The following ARHGAP4 variants were observed in gnomAD, a reference collection of about 807,000 sequenced individuals.
ARHGAP4 encodes the protein rho GTPase-activating protein 4.
ARHGAP4 carries 25 observed loss-of-function variants against 67.6 expected under a neutral mutation model. The ratio of observed to expected loss-of-function variants is 0.37; its 90% CI spans 0.27 to 0.52. The LOEUF (loss-of-function observed/expected upper bound fraction) is 0.52. ARHGAP4 is among the 20% of genes least tolerant of loss of function. The pLI is 0.92. For synonymous variants in ARHGAP4, 448 were observed against 373.7 expected (o/e 1.20, Z -2.29); for missense variants, 804 against 854.6 (o/e 0.94, Z 0.74).
At position 153,919,213 on chromosome X, in the gene ARHGAP4, G is replaced by A. The variant is rs1557104722; in HGVS notation, c.752C>T (p.Ala251Val). 8.2e-7 allele frequency: 1 copy of A among 1,212,264 alleles called. No homozygotes were observed. Among genetic ancestry groups the A allele is most frequent in the Admixed American group, 2.2e-5 (1 of 46,117 alleles). ...KARNEYLLSL[A>V]SVNAAVSNYY... The stretch of plus-strand genomic sequence containing the variant: ...GTTACTGACAGCAGCGTTGACACTA[G>A]CCAGGCTAAGCAGGTACTCGTTGCG... The change falls in exon 6 of 22, where the codon GCT becomes GTT. Residue 251 changes from alanine (A) to valine (V), a missense_variant. Ala to Val is a moderately conservative substitution (Grantham distance 64). Transcript: ENST00000350060.
chrX:153,918,726 C>A, intron 7 of ARHGAP4, 106 bp downstream of exon 7: 2 of 875,561 alleles, frequency 2.3e-6, no homozygotes, highest in South Asian at 2.3e-5. Flanking sequence ...TGCCTGAGAC[C>A]ATGGAGAACT....
In ARHGAP4 at chrX:153,918,817, G is replaced by T; in HGVS notation, c.1032+15C>A. ...AGGCCAGAGAATGCCAAGCCCAGCA[G>T]GGGGTGACCCTCACCTCATCCCCAT... On this transcript the variant is annotated intron_variant, in intron 7 of 21. Transcript: ENST00000350060. 8.3e-7 allele frequency: 1 copy of T among 1,206,723 alleles called. No individual in the cohort carries two copies. The highest frequency in any genetic ancestry group is 1.1e-6 in the Non-Finnish European group (1 of 890,944).
In ARHGAP4 at chrX:153,910,968, C is replaced by A. The variant is rs1557103143; in HGVS notation, c.1635G>T (p.Ser545=). ...GLQHEGIFRV[S]GAQLRVSEIR... ...TCTCTGAGACCCGGAGCTGGGCACC[C>A]GATACCCGGAAGATGCCTTCATGCT... The change falls in exon 14 of 22, where the codon TCG becomes TCT. Residue 545 remains serine, a synonymous_variant. Coordinates refer to ENST00000350060, the MANE Select transcript of ARHGAP4 (RefSeq NM_001666.5). 6.8e-6 allele frequency: 8 copies of A among 1,168,935 alleles called. No individual in the cohort carries two copies. The South Asian group carries it at 1.1e-4, about 17-fold the overall frequency.
In ARHGAP4 at chrX:153,910,082, G is replaced by A. The variant is rs1441203366; in HGVS notation, c.2160C>T (p.Asp720=). ...CCGCCCCCAGGCTCTCCAGCTGGGC[G>A]TCCCTGAGGTTCAGGGCAGAGCGAG... ...MAPPSASCLG[D]AQLESLGADN... Residue 720 remains aspartate, a synonymous_variant, in exon 18 of 22, where the codon GAC becomes GAT. Coordinates refer to ENST00000350060, the MANE Select transcript of ARHGAP4 (RefSeq NM_001666.5). 5.8e-5 allele frequency: 70 copies of A among 1,210,005 alleles called. No homozygotes were observed. Among genetic ancestry groups the A allele is most frequent in the Non-Finnish European group, 7.6e-5 (68 of 895,143 alleles).
chrX:153,915,015 C>T (rs1011894455), intron 7 of ARHGAP4, among the ~76,000 whole-genome samples: 2 of 112,480 alleles, frequency 1.8e-5, no homozygotes, highest in African/African-American at 3.2e-5. Flanking sequence ...CAAGCCCCGC[C>T]GTACAGGACT....
chrX:153,908,059 C>G, intron 21 of ARHGAP4, 97 bp from the exon 22 acceptor site: 1 of 749,052 alleles, frequency 1.3e-6, no homozygotes, highest in South Asian at 4.0e-5. Context: ...AAAGCAAGCC[C>G]TCAGCCAACA....
At chrX:153,908,457 C>T (rs1488885883) in intron 21 of ARHGAP4, among the ~76,000 whole-genome samples, 2 of 112,165 alleles carry the variant, frequency 1.8e-5, no homozygotes, top group Middle Eastern at 4.3e-3. Flanking sequence ...GCAACTGTCC[C>T]GCGGGCTTCC....
rs781856266 is a variant in ARHGAP4, at chrX:153,907,930, C to G, written c.2640G>C (p.Lys880Asn). The G allele has an allele frequency of 2.1e-5, 23 of 1,093,463 alleles. No homozygotes were observed. Among genetic ancestry groups the G allele is most frequent in the Non-Finnish European group, 2.6e-5 (22 of 836,746 alleles). The allele number at this position is 1,093,463 out of a possible 1,213,427, so 90.1% of individuals were successfully genotyped here. A position where few individuals can be genotyped will look rare whatever the true frequency, so the allele number is the denominator to read the frequency against. The change falls in exon 22 of 22, where the codon AAG (lysine) becomes AAC (asparagine). Residue 880 changes from lysine to asparagine, a missense_variant. This residue lies in a region of ARHGAP4 where 400 missense variants were observed against 348.7 expected (regional missense o/e 1.15). Coordinates refer to ENST00000350060, the MANE Select transcript of ARHGAP4 (RefSeq NM_001666.5). ...GGACAGAGGTCTTTCCCAAGAGCTC[C>G]TTAAACACAGAGTCCATGTTCTGTG... ...AVAQNMDSVFKELLGKTSVRQ... is the reference protein window; with the variant it reads ...AVAQNMDSVFNELLGKTSVRQ...
At chrX:153,912,925 G>A in intron 11 of ARHGAP4, 99 bp downstream of exon 11, 2 of 1,121,237 alleles carry the variant, frequency 1.8e-6, no homozygotes, top group Non-Finnish European at 2.4e-6. Flanking sequence ...TGCGAAAACT[G>A]GGGAAGTGAG....
intron 21 of ARHGAP4, among the ~76,000 whole-genome samples, 174 bp from the exon 22 acceptor site, chrX:153,908,136 T>C (rs1171860177): frequency 8.9e-6 from 1 of 112,090 alleles, no homozygotes; most frequent in Non-Finnish European, 1.9e-5. Flanking sequence ...CTGTCCCTGT[T>C]GGTGTCTCTG....
At chrX:153,920,869 C>G (rs781791768) in intron 4 of ARHGAP4, 61 bp from the exon 5 acceptor site, 1 of 1,170,509 alleles carries the variant, frequency 8.5e-7, no homozygotes, top group Non-Finnish European at 1.2e-6. Context: ...CAGCCCCCAG[C>G]CCTCTACCCC....
Position 153,909,085 on chromosome X carries a change from G to A in ARHGAP4, c.2592C>T (p.His864=), listed in dbSNP as rs781978537. The change falls in exon 21 of 22, where the codon CAC becomes CAT. Residue 864 remains histidine, a synonymous_variant. Coordinates refer to ENST00000350060, the MANE Select transcript of ARHGAP4 (RefSeq NM_001666.5). ...RCLVPASPEQ[H]VEVDKAVAQN... ...CCACTCTCACCTTATCCACCTCCAC[G>A]TGTTGCTCTGGGGAGGCTGGGACCA... 6.8e-5 allele frequency: 82 copies of A among 1,209,950 alleles called. No homozygotes were observed. The highest frequency in any genetic ancestry group is 3.8e-4 in the East Asian group (13 of 33,785).
At chrX:153,925,856 A>T (rs937102077) in intron 1 of ARHGAP4, among the ~76,000 whole-genome samples, 1 of 113,184 alleles carries the variant, frequency 8.8e-6, no homozygotes. Flanking sequence ...ACCAGCGGCC[A>T]CCAGTGTCTC....
At chrX:153,914,594 G>A (rs1346455550) in intron 7 of ARHGAP4, among the ~76,000 whole-genome samples, 1 of 112,406 alleles carries the variant, frequency 8.9e-6, no homozygotes, top group Non-Finnish European at 1.9e-5. Context: ...CTACTTGGGA[G>A]GCTGAGGCAG....
chrX:153,920,342 G>GC lies in ARHGAP4; in HGVS notation c.681+283dup, dbSNP rs202214991. ...CATCACCCACCCTAAGTGTCTTCTT[G>GC]CCCCCCTCTGAAACCTTACGGAATG... On this transcript the variant is annotated intron_variant, in intron 5 of 21. Transcript: ENST00000350060. The GC allele has an allele frequency of 1.7e-5, 6 of 355,496 alleles. No homozygotes were observed. In the South Asian group the frequency reaches 2.3e-4, roughly 14 times the overall value. 29.3% of individuals were successfully genotyped at this position (355,496 alleles called of 1,213,427 possible).
At chrX:153,915,786 C>G (rs782443116) in intron 7 of ARHGAP4, among the ~76,000 whole-genome samples, 6 of 111,606 alleles carry the variant, frequency 5.4e-5, no homozygotes, top group African/African-American at 2.0e-4. Flanking sequence ...GACCCTCTCT[C>G]TAGAGAAAAA....
chrX:153,911,252 C>CA, intron 12 of ARHGAP4, 63 bp from the exon 13 acceptor site: 1 of 423,880 alleles, frequency 2.4e-6, no homozygotes, highest in Non-Finnish European at 3.5e-6. Context: ...CATTCAATTG[C>CA]TTTTTTTTTT....
At chrX:153,910,889 G>GCCCCCCCCCCCCCCCCC in intron 14 of ARHGAP4, 33 bp downstream of exon 14, 4 of 1,147,404 alleles carry the variant, frequency 3.5e-6, no homozygotes, top group Non-Finnish European at 4.6e-6. Flanking sequence ...ATCTGCCCGA[G>GCCCCCCCCCCCCCCCCC]CCCCCACCCC....
intron 1 of ARHGAP4, among the ~76,000 whole-genome samples, chrX:153,925,735 C>T (rs782407470): frequency 8.9e-6 from 1 of 111,972 alleles, no homozygotes; most frequent in South Asian, 3.7e-4. Flanking sequence ...CTCCACCAAT[C>T]CACTCACCCG....
Sources: allele counts gnomAD v4.1 joint callset (sites outside exome capture counted in the v4.1 genomes callset), GRCh38; gene constraint gnomAD v4.1.1; regional missense constraint gnomAD v4.1.1; transcripts MANE v1.5; gene names NCBI Gene and HGNC (gene_info 2026-07-23, HGNC 2026-07-21).